The following LRRC56 variants were observed in gnomAD, a reference collection of about 807,000 sequenced individuals.
LRRC56 encodes the protein leucine rich repeat containing 56, also known as leucine-rich repeat-containing protein 56.
In LRRC56, 41 loss-of-function variants were observed where a neutral mutation model predicts 47.8. The ratio of observed to expected loss-of-function variants is 0.86; its 90% CI spans 0.67 to 1.11. The LOEUF (loss-of-function observed/expected upper bound fraction) is 1.11. Ranked by LOEUF, LRRC56 falls within the 50% of genes most tolerant of loss-of-function variation. LRRC56 has a pLI of 0.00. For synonymous variants in LRRC56, 387 were observed against 311.2 expected, an observed-to-expected ratio of 1.24 and a Z score of -2.56; for missense variants, 759 against 704.2, an observed-to-expected ratio of 1.08 and a Z score of -0.88.
chr11:515,967 A>C, the LRRC56 span, among the ~76,000 whole-genome samples: 4 of 152,330 alleles, frequency 2.6e-5, no homozygotes, highest in South Asian at 8.3e-4. Context: ...TTCTCTGCTG[A>C]ATTTGCTTAC....
At chr11:534,345 C>T (rs377669809), upstream of LRRC56, 7 of 1,586,594 alleles carry the variant, frequency 4.4e-6, no homozygotes, top group Non-Finnish European at 6.0e-6. Flanking sequence ...GCCTGCGGCC[C>T]GGGGTCCTCC....
chr11:543,269 C>T (rs1285374014), intron 5 of LRRC56, among the ~76,000 whole-genome samples: 2 of 151,564 alleles, frequency 1.3e-5, no homozygotes, highest in Non-Finnish European at 2.9e-5. Flanking sequence ...GGCTGGAGTG[C>T]AGTGGTGCAA....
At position 540,689 on chromosome 11, in the gene LRRC56, A is replaced by G. The variant is rs200080904; in HGVS notation, c.5A>G (p.Asp2Gly). M[D>G]LGWDRSRGPR... is the part of the protein sequence containing the mutation. ...CTGTCAGCAGGTGACATGTGAATGG[A>G]TCTGGGCTGGGACAGATCCCGTGGG... Residue 2 changes from aspartate to glycine, a missense_variant, in exon 4 of 14, where the codon GAT (aspartate) becomes GGT (glycine). Physicochemically the swap from Asp to Gly is moderately conservative, Grantham distance 94. Coordinates refer to ENST00000270115, the MANE Select transcript of LRRC56 (RefSeq NM_198075.4). 1.2e-6 allele frequency: 2 copies of G among 1,612,484 alleles called. No individual in the cohort carries two copies. The highest frequency in any genetic ancestry group is 2.7e-5 in the African/African-American group (2 of 75,004).
chr11:524,079 T>C, the LRRC56 span, among the ~76,000 whole-genome samples: 1 of 152,164 alleles, frequency 6.6e-6, no homozygotes, highest in Non-Finnish European at 1.5e-5. Flanking sequence ...TATGGATTCA[T>C]TGCAATTCCA....
chr11:538,318 C>T (rs1851621848), intron 1 of LRRC56, among the ~76,000 whole-genome samples: 1 of 152,174 alleles, frequency 6.6e-6, no homozygotes, highest in African/African-American at 2.4e-5. Flanking sequence ...CAGCTCACGC[C>T]CTCCATGAGG....
chr11:551,598 G>A, intron 9 of LRRC56, 53 bp from the exon 10 acceptor site: 3 of 1,513,070 alleles, frequency 2.0e-6, no homozygotes, highest in South Asian at 1.3e-5. Context: ...ACAGAGTCTG[G>A]GGGGCGCTCT....
rs776402470 is a variant in LRRC56 at position 551,897 on chromosome 11, T to C, written c.974-6T>C. ...GAACCAGGCCCAGCCATGCTGTCTC[T>C]TGCAGGTGCTGGCCAAGTCCTCTGT... On this transcript the variant is annotated splice_polypyrimidine_tract_variant and splice_region_variant and intron_variant, in intron 10 of 13. Coordinates refer to ENST00000270115, the MANE Select transcript of LRRC56 (RefSeq NM_198075.4). 1.9e-6 allele frequency: 3 copies of C among 1,612,436 alleles called. No homozygotes were observed. The African/African-American group carries it at 4.0e-5, about 22-fold the overall frequency.
the LRRC56 span, chr11:532,448 C>T: frequency 6.1e-6 from 5 of 814,286 alleles, no homozygotes; most frequent in Non-Finnish European, 9.6e-6. Flanking sequence ...TCCTTCCTTG[C>T]TTCCGTCCTT....
the LRRC56 span, among the ~76,000 whole-genome samples, chr11:510,249 C>T: frequency 5.3e-5 from 8 of 152,274 alleles, no homozygotes; most frequent in African/African-American, 9.6e-5. Flanking sequence ...AGTCAGACCC[C>T]GGGGAGAGAG....
the LRRC56 span, among the ~76,000 whole-genome samples, chr11:509,217 T>C: frequency 6.6e-6 from 1 of 152,122 alleles, no homozygotes; most frequent in Non-Finnish European, 1.5e-5. Flanking sequence ...CTTTGGAGTC[T>C]GGATGTGAGG....
At chr11:533,202 G>A, upstream of LRRC56, 1 of 1,320,918 alleles carries the variant, frequency 7.6e-7, no homozygotes, top group Non-Finnish European at 1.0e-6. Flanking sequence ...AGCTGTGTCG[G>A]CCCAGGACTG....
At chr11:506,500 G>C in the LRRC56 span, 1 of 152,136 alleles carries the variant, frequency 6.6e-6, no homozygotes, top group African/African-American at 2.4e-5. Flanking sequence ...AGCCCCAGGC[G>C]GCAGCTTCGC....
the LRRC56 span, among the ~76,000 whole-genome samples, chr11:523,587 C>T: frequency 2.1e-5 from 3 of 145,036 alleles, no homozygotes; most frequent in Non-Finnish European, 3.0e-5. Flanking sequence ...CCCAAGATTG[C>T]GCCACTGCAC....
chr11:537,373 G>C (rs1328312416), upstream of LRRC56: 1 of 152,246 alleles, frequency 6.6e-6, no homozygotes, highest in African/African-American at 2.4e-5. Context: ...AGTCCACGTG[G>C]CCCCGCCCTA....
At chr11:533,585 C>T (rs1053376922), upstream of LRRC56, 9 of 1,613,730 alleles carry the variant, frequency 5.6e-6, no homozygotes, top group African/African-American at 8.0e-5. Flanking sequence ...GCACGTCATC[C>T]GAGTCCTTCA....
At chr11:514,661 G>A in the LRRC56 span, among the ~76,000 whole-genome samples, 10 of 152,054 alleles carry the variant, frequency 6.6e-5, no homozygotes, top group African/African-American at 2.4e-4. Context: ...GGAGTGAGGA[G>A]TGGTCAATAA....
At chr11:509,383 A>C in the LRRC56 span, among the ~76,000 whole-genome samples, 1 of 152,140 alleles carries the variant, frequency 6.6e-6, no homozygotes, top group African/African-American at 2.4e-5. Context: ...AATTCTCATA[A>C]GAGTGAAGAA....
the LRRC56 span, among the ~76,000 whole-genome samples, chr11:516,153 G>C: frequency 1.3e-5 from 2 of 152,118 alleles, no homozygotes; most frequent in Non-Finnish European, 2.9e-5. Context: ...TAGCACTTTG[G>C]GAGGCCGAGG....
intron 1 of LRRC56, among the ~76,000 whole-genome samples, chr11:538,007 G>A (rs952034552): frequency 9.9e-5 from 15 of 152,190 alleles, no homozygotes; most frequent in African/African-American, 3.4e-4. Flanking sequence ...CAGGGGTGTG[G>A]AGACAGGCCC....
Sources: gnomAD v4.1 joint callset for allele counts (sites outside exome capture counted in the v4.1 genomes callset) on GRCh38, gnomAD v4.1.1 for gene constraint, MANE v1.5 for transcripts, NCBI Gene and HGNC (gene_info 2026-07-23, HGNC 2026-07-21) for gene names.